The following OSBPL3 variants were observed in gnomAD, a reference collection of about 807,000 sequenced individuals.
The protein encoded by OSBPL3 is oxysterol binding protein like 3.
Under a neutral mutation model 120.1 loss-of-function variants are expected in OSBPL3, and 65 were observed. That is an observed-to-expected ratio of 0.54 (90% CI 0.44 to 0.67). OSBPL3 has a LOEUF of 0.67. OSBPL3 is among the 30% of genes least tolerant of loss of function. The probability of loss-of-function intolerance (pLI) is 0.00; values close to 1 mark genes in which losing one functional copy is unlikely to be tolerated. For synonymous variants in OSBPL3, 416 were observed against 402.6 expected (o/e 1.03, Z -0.40); for missense variants, 1,004 against 1,082.1 (o/e 0.93, Z 1.01).
At chr7:24,816,410 G>C (rs922227076) in intron 18 of OSBPL3, among the ~76,000 whole-genome samples, 200 bp downstream of exon 18, 10 of 152,136 alleles carry the variant, frequency 6.6e-5, no homozygotes, top group African/African-American at 2.4e-4. Context: ...TCTCCAGGAG[G>C]CATTTCCATT....
rs1811631770 is a variant in OSBPL3 at position 24,930,340 on chromosome 7, CA to C, written c.-149-37720del. Reference sequence around the variant, plus strand: ...GGAAAAACTCAACACTTTTTGTTGTCAATTCCTGTCTAAACAAACAAATTTT... The same window carrying C: ...GGAAAAACTCAACACTTTTTGTTGTCATTCCTGTCTAAACAAACAAATTTT... On this transcript the variant is annotated intron_variant, in intron 1 of 22. Transcript: ENST00000313367. The surrounding 1 kb of genome is among the most constrained non-coding windows in gnomAD (Gnocchi z 4.4). 3.9e-5 allele frequency among the ~76,000 whole-genome samples: 6 copies of C among 152,136 alleles called. No homozygotes were observed. In the South Asian group the frequency reaches 1.0e-3, roughly 26 times the overall value.
Position 24,849,225 on chromosome 7 carries a change from G to A in OSBPL3, c.1159-49C>T. The A allele has an allele frequency of 6.9e-7, 1 of 1,440,092 alleles. No homozygotes were observed. Among genetic ancestry groups the A allele is most frequent in the Non-Finnish European group, 9.7e-7 (1 of 1,027,008 alleles). The allele number at this position is 1,440,092 out of a possible 1,614,324, so 89.2% of individuals were successfully genotyped here. On this transcript the variant is annotated intron_variant, in intron 11 of 22. Transcript: ENST00000313367. This position sits in a 1 kb window ranked among gnomAD's most constrained non-coding sequence, Gnocchi z 5.4. Reference sequence around the variant, plus strand: ...GCTCTGTTAATAAATGGATGTTTCAGAAAAGCACAGCAGTGGGCCCTGCAG... The same window carrying A: ...GCTCTGTTAATAAATGGATGTTTCAAAAAAGCACAGCAGTGGGCCCTGCAG...
At chr7:24,906,380 CT>C (rs1807918426) in intron 1 of OSBPL3, 2 of 259,808 alleles carry the variant, frequency 7.7e-6, no homozygotes, top group Non-Finnish European at 7.9e-6. Context: ...ATCATTGCCC[CT>C]GCTGGGGAGA....
Position 24,937,416 on chromosome 7 carries a change from C to T in OSBPL3, c.-150+42470G>A, listed in dbSNP as rs1812556459. Among the ~76,000 whole-genome samples, 1 of 152,116 alleles carries T rather than the reference C, an allele frequency of 6.6e-6. No individual in the cohort carries two copies. The highest frequency in any genetic ancestry group is 6.5e-5 in the Admixed American group (1 of 15,270). ...AATGGGCTCATTCTGTATATAATCC[C>T]CAATTTGACTTTTATGTTCAACATT... On this transcript the variant is annotated intron_variant, in intron 1 of 22. Coordinates refer to ENST00000313367, the MANE Select transcript of OSBPL3 (RefSeq NM_015550.4). The surrounding 1 kb of genome is among the most constrained non-coding windows in gnomAD (Gnocchi z 4.0).
chr7:24,816,680 A>G lies in OSBPL3; in HGVS notation c.1957T>C (p.Trp653Arg), dbSNP rs201207958. The G allele has an allele frequency of 3.1e-6, 5 of 1,605,036 alleles. No homozygotes were observed. The highest frequency in any genetic ancestry group is 4.3e-6 in the Non-Finnish European group (5 of 1,171,796). The change falls in exon 18 of 23, where the codon TGG becomes CGG. Residue 653 changes from tryptophan to arginine, a missense_variant. This residue lies in a region of OSBPL3 where 473 missense variants were observed against 568.0 expected (regional missense o/e 0.83). Transcript: ENST00000313367. ...GATTTGCCCCAGAATTTGTTTTTCC[A>G]TCTCACATCTGAAATGAAATACCAA... ...RNFVFWQDVR[W>R]KNKFWGKSME...
intron 16 of OSBPL3, among the ~76,000 whole-genome samples, chr7:24,828,612 A>AG (rs1795993895): frequency 6.3e-5 from 8 of 127,582 alleles, no homozygotes; most frequent in Admixed American, 1.5e-4. Flanking sequence ...GTCTGAAAAA[A>AG]AAAAAAAAAG....
chr7:24,951,626 T>C (rs952766980), intron 1 of OSBPL3, among the ~76,000 whole-genome samples: 4 of 152,232 alleles, frequency 2.6e-5, no homozygotes, highest in African/African-American at 7.2e-5. Flanking sequence ...CAGGATTTTC[T>C]TCCCCCAAGT....
At chr7:24,960,733 T>G (rs1162421894) in intron 1 of OSBPL3, among the ~76,000 whole-genome samples, 1 of 152,212 alleles carries the variant, frequency 6.6e-6, no homozygotes, top group African/African-American at 2.4e-5. Flanking sequence ...AACTTCCTGT[T>G]GTAAAAGGAA....
chr7:24,926,146 A>T (rs1811016734), intron 1 of OSBPL3, among the ~76,000 whole-genome samples: 1 of 152,168 alleles, frequency 6.6e-6, no homozygotes, highest in African/African-American at 2.4e-5. Flanking sequence ...TGAATTGGGG[A>T]TGATAGTGAC....
intron 2 of OSBPL3, among the ~76,000 whole-genome samples, chr7:24,885,533 G>T (rs901616417): frequency 5.9e-5 from 9 of 152,198 alleles, no homozygotes; most frequent in African/African-American, 2.2e-4. Context: ...TAATTGTATG[G>T]AAACTTACCT....
At chr7:24,956,816 C>T (rs1815113384) in intron 1 of OSBPL3, among the ~76,000 whole-genome samples, 2 of 152,248 alleles carry the variant, frequency 1.3e-5, no homozygotes, top group South Asian at 4.1e-4. Context: ...TTAACTCTTT[C>T]ACCCTTCAAC....
In OSBPL3 at chr7:24,863,530, C is replaced by T. The variant is rs746730200; in HGVS notation, c.743G>A (p.Arg248Gln). 4 of 1,613,878 alleles carry T rather than the reference C, an allele frequency of 2.5e-6. No individual in the cohort carries two copies. The highest frequency in any genetic ancestry group is 1.3e-5 in the African/African-American group (1 of 74,886). Residue 248 changes from arginine (R) to glutamine (Q), a missense_variant, in exon 8 of 23, where the codon CGG becomes CAG. Around this residue, in one of 4 missense-constraint regions of OSBPL3, gnomAD observed 272 missense variants for 248.8 expected, o/e 1.09. Coordinates refer to ENST00000313367, the MANE Select transcript of OSBPL3 (RefSeq NM_015550.4). This position sits in a 1 kb window ranked among gnomAD's most constrained non-coding sequence, Gnocchi z 5.8. ...QLLQSMDVLHRTYSAPAINAI... is the reference protein window; with the variant it reads ...QLLQSMDVLHQTYSAPAINAI... ...GTTGATAGCTGGTGCCGAGTATGTC[C>T]GATGCAGGACGTCCATGCTTTGCAG...
intron 14 of OSBPL3, among the ~76,000 whole-genome samples, chr7:24,836,348 C>T (rs936841305): frequency 2.0e-5 from 3 of 152,180 alleles, no homozygotes; most frequent in African/African-American, 7.2e-5. Context: ...CTTGTTCTAG[C>T]TTACATTTAA....
intron 1 of OSBPL3, among the ~76,000 whole-genome samples, chr7:24,962,908 G>T (rs906221562): frequency 2.0e-5 from 3 of 152,092 alleles, no homozygotes; most frequent in Admixed American, 2.0e-4. Flanking sequence ...CCCTTTATAG[G>T]AATAATTCTT....
chr7:24,919,314 G>T (rs1216301668), intron 1 of OSBPL3, among the ~76,000 whole-genome samples: 2 of 152,074 alleles, frequency 1.3e-5, no homozygotes, highest in Non-Finnish European at 2.9e-5. Flanking sequence ...CAGACATACA[G>T]ATCAGTGGAA....
rs1489330150 is a variant in OSBPL3, at chr7:24,834,499, G to T, written c.1733C>A (p.Pro578His). Residue 578 changes from proline to histidine, a missense_variant, in exon 15 of 23, where the codon CCC (proline) becomes CAC (histidine). By Grantham distance (77) the Pro-to-His change is moderately conservative (BLOSUM62 -2). Coordinates refer to ENST00000313367, the MANE Select transcript of OSBPL3 (RefSeq NM_015550.4). This position sits in a 1 kb window ranked among gnomAD's most constrained non-coding sequence, Gnocchi z 5.2. ...CTGACTCCTCACCATCCTTTCCAGGGGGCTGGGAATCTGCGCGGCCTTGTC... is the reference window on the plus strand; with the variant it reads ...CTGACTCCTCACCATCCTTTCCAGGTGGCTGGGAATCTGCGCGGCCTTGTC... ...LLDKAAQIPS[P>H]LERMVYVAAF... The T allele has an allele frequency of 6.2e-7, 1 of 1,611,082 alleles. No homozygotes were observed. Among genetic ancestry groups the T allele is most frequent in the Admixed American group, 1.7e-5 (1 of 59,806 alleles).
At chr7:24,908,825 G>GT (rs1380358948) in intron 1 of OSBPL3, among the ~76,000 whole-genome samples, 20 of 152,230 alleles carry the variant, frequency 1.3e-4, no homozygotes, top group Admixed American at 1.3e-3. Context: ...AAGTTTTAAC[G>GT]TTTTTTCCTT....
At position 24,833,539 on chromosome 7, in the gene OSBPL3, C is replaced by T. The variant is rs1247707853; in HGVS notation, c.1746+947G>A. Among the ~76,000 whole-genome samples the T allele has an allele frequency of 1.3e-5, 2 of 152,164 alleles. No individual in the cohort carries two copies. Among genetic ancestry groups the T allele is most frequent in the Admixed American group, 6.5e-5 (1 of 15,274 alleles). ...CTTAGAATGTAGAAAATAATAGCATCCTCTATCAATGGGGAGTGTCGGCAG... is the reference window on the plus strand; with the variant it reads ...CTTAGAATGTAGAAAATAATAGCATTCTCTATCAATGGGGAGTGTCGGCAG... On this transcript the variant is annotated intron_variant, in intron 15 of 22. Transcript: ENST00000313367. This position sits in a 1 kb window ranked among gnomAD's most constrained non-coding sequence, Gnocchi z 4.4.
chr7:24,856,794 T>C (rs1479988475), intron 10 of OSBPL3, among the ~76,000 whole-genome samples: 2 of 152,212 alleles, frequency 1.3e-5, no homozygotes, highest in African/African-American at 4.8e-5. Flanking sequence ...TAGGTGAATT[T>C]TCTTTGAAAT....
Sources: gnomAD v4.1 joint callset for allele counts (sites outside exome capture counted in the v4.1 genomes callset) on GRCh38, gnomAD v4.1.1 for gene constraint, gnomAD v4.1.1 regional missense constraint, Gnocchi (gnomAD v3.1) non-coding constraint, MANE v1.5 for transcripts, NCBI Gene and HGNC (gene_info 2026-07-23, HGNC 2026-07-21) for gene names.